BABAM2: variants seen among roughly 807,000 people sequenced by gnomAD.
The protein encoded by BABAM2 is BRISC and BRCA1 A complex member 2, also known as BRISC and BRCA1-A complex member 2.
BABAM2 carries 31 observed loss-of-function variants against 54.7 expected under a neutral mutation model. The observed-to-expected ratio is 0.57, with a 90% CI of 0.43 to 0.77. The LOEUF (loss-of-function observed/expected upper bound fraction) is 0.77. Ranked by LOEUF, BABAM2 falls within the 30% of genes least tolerant of loss-of-function variation. The probability of loss-of-function intolerance (pLI) is 0.00; values close to 1 mark genes in which losing one functional copy is unlikely to be tolerated. For synonymous variants in BABAM2, 167 were observed against 162.9 expected (o/e 1.03, Z -0.19); for missense variants, 364 against 455.8 (o/e 0.80, Z 1.83).
chr2:28,240,835 A>T (rs905043607), intron 8 of BABAM2, among the ~76,000 whole-genome samples: 2 of 148,748 alleles, frequency 1.3e-5, no homozygotes, highest in Admixed American at 1.4e-4. Context: ...GCGCCATTGC[A>T]CTCCAGCCTG....
intron 10 of BABAM2, among the ~76,000 whole-genome samples, chr2:28,275,819 T>G (rs1224082378): frequency 6.6e-6 from 1 of 152,194 alleles, no homozygotes; most frequent in African/African-American, 2.4e-5. Context: ...GCAGAGTCTT[T>G]GCTTAAGCTA....
chr2:28,125,374 A>G (rs1283111347), intron 6 of BABAM2, among the ~76,000 whole-genome samples: 1 of 151,864 alleles, frequency 6.6e-6, no homozygotes, highest in Non-Finnish European at 1.5e-5. Flanking sequence ...GCTCACTGCA[A>G]TCTCCGCCTC....
intron 3 of BABAM2, among the ~76,000 whole-genome samples, chr2:27,983,744 A>T (rs1471139840): frequency 6.6e-6 from 1 of 151,894 alleles, no homozygotes; most frequent in East Asian, 1.9e-4. Context: ...TTAAAAAATT[A>T]TTTTTGGATC....
At chr2:28,123,007 A>G (rs1311346591) in intron 6 of BABAM2, among the ~76,000 whole-genome samples, 1 of 152,202 alleles carries the variant, frequency 6.6e-6, no homozygotes, top group Non-Finnish European at 1.5e-5. Flanking sequence ...AGCATTTTCC[A>G]CTTAATTCCA....
chr2:28,183,739 T>TCTCACACA (rs1553336494), intron 7 of BABAM2, among the ~76,000 whole-genome samples: 2,724 of 133,174 alleles, frequency 0.02, 56 homozygotes, highest in African/African-American at 0.049. Flanking sequence ...TGGATGAAGA[T>TCTCACACA]CACACACACA....
intron 3 of BABAM2, among the ~76,000 whole-genome samples, chr2:27,986,126 A>G (rs1008193970): frequency 2.0e-5 from 3 of 152,166 alleles, no homozygotes; most frequent in African/African-American, 7.2e-5. Context: ...TTGTAGATAA[A>G]GAGAAGGGTG....
chr2:28,336,025 G>C (rs1041548795), intron 11 of BABAM2, among the ~76,000 whole-genome samples: 1 of 152,176 alleles, frequency 6.6e-6, no homozygotes, highest in African/African-American at 2.4e-5. Flanking sequence ...ATGACTTGGA[G>C]CCAGATAGAG....
chr2:27,936,875 C>G (rs1167881152), intron 3 of BABAM2, among the ~76,000 whole-genome samples: 1 of 151,868 alleles, frequency 6.6e-6, no homozygotes, highest in Non-Finnish European at 1.5e-5. Flanking sequence ...GTGCAGCACA[C>G]CAGCATGGCA....
chr2:28,080,026 T>C (rs977399265), intron 6 of BABAM2, among the ~76,000 whole-genome samples: 5 of 152,192 alleles, frequency 3.3e-5, no homozygotes, highest in Admixed American at 1.3e-4. Context: ...GCACAGTGAA[T>C]TCTTAAAAAG....
chr2:28,266,775 A>G (rs1297666423), intron 10 of BABAM2, among the ~76,000 whole-genome samples: 1 of 152,208 alleles, frequency 6.6e-6, no homozygotes, highest in African/African-American at 2.4e-5. Flanking sequence ...TTTTGTTAAT[A>G]CTTCTCCATA....
intron 7 of BABAM2, among the ~76,000 whole-genome samples, chr2:28,231,843 A>T (rs1335054070): frequency 4.2e-5 from 5 of 118,518 alleles, no homozygotes. Context: ...AGTCCCAATC[A>T]GTCACCCAGG....
chr2:27,893,479 C>A (rs1235099377), intron 1 of BABAM2, among the ~76,000 whole-genome samples: 1 of 152,108 alleles, frequency 6.6e-6, no homozygotes, highest in African/African-American at 2.4e-5. Context: ...ATTCCCCTAC[C>A]AAATTCTGGG....
intron 3 of BABAM2, among the ~76,000 whole-genome samples, chr2:27,986,725 A>C (rs1230124772): frequency 6.6e-6 from 1 of 152,288 alleles, no homozygotes; most frequent in East Asian, 1.9e-4. Context: ...ATTTGGATAA[A>C]ATTTTATAGA....
intron 6 of BABAM2, among the ~76,000 whole-genome samples, chr2:28,083,164 T>C (rs1665331462): frequency 6.6e-6 from 1 of 152,188 alleles, no homozygotes; most frequent in Admixed American, 6.5e-5. Flanking sequence ...TTCTAAAATA[T>C]CAGTACTCTC....
At chr2:28,308,220 T>C in intron 11 of BABAM2, 1 of 330,750 alleles carries the variant, frequency 3.0e-6, no homozygotes, top group South Asian at 3.1e-5. Context: ...AAGCGAATGC[T>C]TTGAAGGCCA....
intron 4 of BABAM2, 53 bp from the exon 5 acceptor site, chr2:28,025,173 T>G: frequency 1.4e-6 from 2 of 1,464,652 alleles, no homozygotes; most frequent in Non-Finnish European, 1.8e-6. Flanking sequence ...TGATACTGGA[T>G]TTGTATGAAA....
chr2:28,142,224 G>A (rs148342447), intron 7 of BABAM2, among the ~76,000 whole-genome samples: 2,025 of 152,196 alleles, frequency 0.013, 29 homozygotes, highest in South Asian at 0.05. Context: ...ATTCAGACAC[G>A]CTGTCTTTCA....
rs1572380890 is a variant in BABAM2, at chr2:28,304,327, A to G, written c.1088+5836A>G. ...CGCCTCGGCCTCCCAAAGTGCTGGC[A>G]TTACAGGCATGAGCCACTGCATTCC... On this transcript the variant is annotated intron_variant, in intron 11 of 11. Coordinates refer to ENST00000379624, the MANE Select transcript of BABAM2 (RefSeq NM_199191.3). This position sits in a 1 kb window ranked among gnomAD's most constrained non-coding sequence, Gnocchi z 4.0. Among the ~76,000 whole-genome samples, 2 of 151,798 alleles carry G rather than the reference A, an allele frequency of 1.3e-5. No homozygotes were observed. The highest frequency in any genetic ancestry group is 3.9e-4 in the East Asian group (2 of 5,192).
intron 7 of BABAM2, among the ~76,000 whole-genome samples, chr2:28,199,216 C>T (rs1299510685): frequency 1.3e-5 from 2 of 152,218 alleles, no homozygotes; most frequent in South Asian, 2.1e-4. Context: ...AGCAAGGTGG[C>T]GTGTGTGACA....
Sources: allele counts gnomAD v4.1 joint callset (sites outside exome capture counted in the v4.1 genomes callset), GRCh38; gene constraint gnomAD v4.1.1; non-coding constraint Gnocchi (gnomAD v3.1); transcripts MANE v1.5; gene names NCBI Gene and HGNC (gene_info 2026-07-23, HGNC 2026-07-21).